The following TFG variants were observed in gnomAD, a reference collection of about 807,000 sequenced individuals.
TFG encodes the protein protein TFG.
Under a neutral mutation model 51.4 loss-of-function variants are expected in TFG, and 22 were observed. The observed-to-expected ratio is 0.43, with a 90% CI of 0.31 to 0.61. TFG has a LOEUF of 0.61. TFG is among the 20% of genes least tolerant of loss of function. The probability of loss-of-function intolerance (pLI) is 0.12; values close to 1 mark genes in which losing one functional copy is unlikely to be tolerated. For missense variants in TFG, 419 were observed against 487.7 expected, an observed-to-expected ratio of 0.86 and a Z score of 1.33; for synonymous variants, 187 against 165.6, an observed-to-expected ratio of 1.13 and a Z score of -0.99.
At position 100,729,494 on chromosome 3, in the gene TFG, C is replaced by T. The variant is rs569451282; in HGVS notation, c.415+636C>T. On this transcript the variant is annotated intron_variant, in intron 4 of 7. Transcript: ENST00000240851. The stretch of plus-strand genomic sequence containing the variant: ...AATGTATTTTAAAATGTGGACTGAA[C>T]TTTAAGTATGTGTTAATGACTTGAA... 5.1e-4 allele frequency among the ~76,000 whole-genome samples: 78 copies of T among 152,258 alleles called. 1 individual carries two copies. The highest frequency in any genetic ancestry group is 1.8e-3 in the African/African-American group (73 of 41,568).
intron 2 of TFG, 110 bp from the exon 3 acceptor site, chr3:100,719,865 T>C (rs896456741): frequency 1.6e-6 from 1 of 623,238 alleles, no homozygotes; most frequent in African/African-American, 1.9e-5. Flanking sequence ...AGAGTCCAAC[T>C]ATGTTCTACA....
rs1030336312 is a variant in TFG, at chr3:100,709,602, G to T, written c.-163G>T. The T allele has an allele frequency of 1.3e-5, 2 of 151,728 alleles. No homozygotes were observed. Among genetic ancestry groups the T allele is most frequent in the Admixed American group, 6.6e-5 (1 of 15,266 alleles). 9.4% of individuals were successfully genotyped at this position (151,728 alleles called of 1,614,324 possible). A position where few individuals can be genotyped will look rare whatever the true frequency, so the allele number is the denominator to read the frequency against. Reference sequence around the variant, plus strand: ...CCTGCGAGCGAGGTGCGGCGGTCGCGAAGGGCAACCGAGGGGGCCGTGACC... The same window carrying T: ...CCTGCGAGCGAGGTGCGGCGGTCGCTAAGGGCAACCGAGGGGGCCGTGACC... On this transcript the variant is annotated 5_prime_UTR_variant, in exon 1 of 8. Coordinates refer to ENST00000240851, the MANE Select transcript of TFG (RefSeq NM_006070.6).
intron 3 of TFG, among the ~76,000 whole-genome samples, chr3:100,726,426 C>T (rs2095076043): frequency 6.6e-6 from 1 of 152,196 alleles, no homozygotes; most frequent in Non-Finnish European, 1.5e-5. Flanking sequence ...CACAGACACA[C>T]CCAGAAACAG....
intron 6 of TFG, chr3:100,743,484 A>G (rs1325193583): frequency 6.6e-6 from 1 of 152,236 alleles, no homozygotes; most frequent in East Asian, 1.9e-4. Context: ...CTATTAGTCT[A>G]AATCATTAAG....
Position 100,736,659 on chromosome 3 carries a change from G to T in TFG, c.664G>T (p.Val222Phe). 6.2e-7 allele frequency: 1 copy of T among 1,613,950 alleles called. No homozygotes were observed. The highest frequency in any genetic ancestry group is 8.5e-7 in the Non-Finnish European group (1 of 1,179,968). The change falls in exon 6 of 8, where the codon GTT (valine) becomes TTT (phenylalanine). Residue 222 changes from valine (V) to phenylalanine (F), a missense_variant. Coordinates refer to ENST00000240851, the MANE Select transcript of TFG (RefSeq NM_006070.6). ...CTCCTCAGCAGCTCACCCACCAGGC[G>T]TTCAGCCACAGCAGCCACCATATAC... ...SSSSAAHPPGVQPQQPPYTGA... is the reference protein window; with the variant it reads ...SSSSAAHPPGFQPQQPPYTGA...
intron 5 of TFG, among the ~76,000 whole-genome samples, chr3:100,734,884 T>G (rs777712960): frequency 2.0e-5 from 3 of 152,182 alleles, no homozygotes; most frequent in African/African-American, 4.8e-5. Flanking sequence ...TGAATTATAG[T>G]AGGAAAAACT....
chr3:100,727,698 T>C (rs565076194), intron 3 of TFG, among the ~76,000 whole-genome samples: 1 of 152,316 alleles, frequency 6.6e-6, no homozygotes, highest in South Asian at 2.1e-4. Flanking sequence ...GTAATGTTGC[T>C]TTCATTAAAA....
At chr3:100,748,124 C>T (rs751338510) in intron 7 of TFG, 25 bp from the exon 8 acceptor site, 2 of 1,601,316 alleles carry the variant, frequency 1.2e-6, no homozygotes, top group Non-Finnish European at 1.7e-6. Context: ...AGATAAGATA[C>T]ATGTTATTTA....
At chr3:100,710,898 T>C (rs2095029151) in intron 1 of TFG, 1 of 152,212 alleles carries the variant, frequency 6.6e-6, no homozygotes, top group Admixed American at 6.5e-5. Context: ...AATGTTGGGT[T>C]GGGATTTCCC....
intron 6 of TFG, among the ~76,000 whole-genome samples, chr3:100,737,805 T>C (rs148091587): frequency 1.3e-3 from 198 of 152,208 alleles, no homozygotes; most frequent in African/African-American, 4.5e-3. Flanking sequence ...TCCCAGCACT[T>C]TGGGAGGCCG....
Position 100,748,409 on chromosome 3 carries a change from C to T in TFG, c.1081C>T (p.Pro361Ser). Reference sequence around the variant, plus strand: ...CCAACCTGGGGCCTATCAACCAAGACCAGGTTTTACTTCACTTCCTGGAAG... The same window carrying T: ...CCAACCTGGGGCCTATCAACCAAGATCAGGTTTTACTTCACTTCCTGGAAG... ...PSQPGAYQPRPGFTSLPGSTM... is the reference protein window; with the variant it reads ...PSQPGAYQPRSGFTSLPGSTM... Residue 361 changes from proline (P) to serine (S), a missense_variant, in exon 8 of 8, where the codon CCA (proline) becomes TCA (serine). Transcript: ENST00000240851. 6.2e-7 allele frequency: 1 copy of T among 1,614,114 alleles called. No individual in the cohort carries two copies. The highest frequency in any genetic ancestry group is 1.7e-5 in the Admixed American group (1 of 60,006).
intron 6 of TFG, 58 bp downstream of exon 6, chr3:100,736,774 C>G (rs878884485): frequency 6.4e-7 from 1 of 1,566,428 alleles, no homozygotes; most frequent in Non-Finnish European, 8.7e-7. Flanking sequence ...GTGTTTATTA[C>G]AGCATTGTTG....
intron 5 of TFG, 73 bp from the exon 6 acceptor site, chr3:100,736,502 CA>C: frequency 6.5e-7 from 1 of 1,534,110 alleles, no homozygotes; most frequent in South Asian, 1.2e-5. Flanking sequence ...ATCTTTTAAC[CA>C]AACTTATTCC....
chr3:100,744,635 G>A, intron 6 of TFG, 198 bp from the exon 7 acceptor site: 1 of 419,260 alleles, frequency 2.4e-6, no homozygotes, highest in Non-Finnish European at 4.3e-6. Context: ...GTTCTCTGCA[G>A]TTAATCCACA....
chr3:100,720,661 C>T (rs1452577821), intron 3 of TFG, among the ~76,000 whole-genome samples: 1 of 152,230 alleles, frequency 6.6e-6, no homozygotes, highest in Non-Finnish European at 1.5e-5. Context: ...GGTTTGGTTC[C>T]TAACAGGCCA....
At position 100,748,001 on chromosome 3, in the gene TFG, T is replaced by C. The variant is rs79323767; in HGVS notation, c.821-148T>C. On this transcript the variant is annotated intron_variant, in intron 7 of 7. Transcript: ENST00000240851. ...TTGATAACTACTTGGTCTTGAAATA[T>C]TATGTGATGGAATCTACCACTCTGC... 3,031 of 735,340 alleles carry C rather than the reference T, an allele frequency of 4.1e-3. 65 individuals are homozygous for C. In the African/African-American group the frequency reaches 0.05, roughly 12 times the overall value. The allele number at this position is 735,340 out of a possible 1,614,324, so 45.6% of individuals were successfully genotyped here.
intron 3 of TFG, among the ~76,000 whole-genome samples, chr3:100,725,186 A>G (rs9859445): frequency 0.03 from 4,538 of 152,234 alleles, 185 homozygotes; most frequent in African/African-American, 0.092. Context: ...GATTACAGAT[A>G]TGAGCCACCA....
intron 6 of TFG, among the ~76,000 whole-genome samples, chr3:100,741,128 A>G (rs184336057): frequency 2.1e-4 from 32 of 151,710 alleles, no homozygotes; most frequent in Admixed American, 9.2e-4. Context: ...TGAATTTACT[A>G]TACTATATTT....
intron 2 of TFG, among the ~76,000 whole-genome samples, chr3:100,718,697 A>G (rs1459674497): frequency 6.6e-6 from 1 of 151,606 alleles, no homozygotes; most frequent in East Asian, 1.9e-4. Flanking sequence ...AGCTGGAATT[A>G]TAGGCACACA....
Sources: allele counts gnomAD v4.1 joint callset (sites outside exome capture counted in the v4.1 genomes callset), GRCh38; gene constraint gnomAD v4.1.1; transcripts MANE v1.5; gene names NCBI Gene and HGNC (gene_info 2026-07-23, HGNC 2026-07-21).